Variants in TBC1D32 observed in about 807,000 individuals in gnomAD.
TBC1D32 encodes TBC1 domain family member 32.
TBC1D32 carries 151 observed loss-of-function variants against 170.3 expected under a neutral mutation model. The observed-to-expected ratio is 0.89, with a 90% CI of 0.78 to 1.01. The LOEUF is 1.01. Among genes scored for constraint, TBC1D32 ranks in the 50% least tolerant of loss-of-function variants. The pLI is 0.00. For missense variants in TBC1D32, 1,464 were observed against 1,457.1 expected, an observed-to-expected ratio of 1.00 and a Z score of -0.08; for synonymous variants, 498 against 488.0, an observed-to-expected ratio of 1.02 and a Z score of -0.27.
At chr6:121,204,351 T>C (rs1000860461) in intron 22 of TBC1D32, among the ~76,000 whole-genome samples, 3 of 151,208 alleles carry the variant, frequency 2.0e-5, no homozygotes, top group Non-Finnish European at 4.4e-5. Flanking sequence ...AGAAAAATAA[T>C]TGCTTCCTTT....
intron 22 of TBC1D32, among the ~76,000 whole-genome samples, chr6:121,171,321 T>A (rs549713082): frequency 0.026 from 3,379 of 131,746 alleles, 134 homozygotes; most frequent in East Asian, 0.13. Context: ...TCTTACAAGT[T>A]AAAAAAAAAA....
chr6:121,208,731 A>AAAAAAAAAC (rs1446176762), intron 21 of TBC1D32, among the ~76,000 whole-genome samples: 2 of 138,668 alleles, frequency 1.4e-5, no homozygotes, highest in African/African-American at 5.5e-5. Flanking sequence ...AACACCTGGA[A>AAAAAAAAAC]AAAAAAAAAA....
At chr6:121,197,404 T>A (rs568025593) in intron 22 of TBC1D32, among the ~76,000 whole-genome samples, 1 of 152,164 alleles carries the variant, frequency 6.6e-6, no homozygotes, top group Non-Finnish European at 1.5e-5. Flanking sequence ...GAGAAGGTAG[T>A]CATCAATACC....
intron 17 of TBC1D32, among the ~76,000 whole-genome samples, chr6:121,253,447 G>A (rs1451879874): frequency 5.3e-5 from 8 of 152,156 alleles, no homozygotes; most frequent in East Asian, 1.9e-4. Flanking sequence ...AGGCCGGCAC[G>A]GTGGCTCACG....
rs746731154 is a variant in TBC1D32, at chr6:121,292,235, A to G, written c.1232-42T>C. ...ACACGAATATTTATTTAGTATCATT[A>G]TATTTTACAGTACCTGTCTTCATTC... On this transcript the variant is annotated intron_variant, in intron 11 of 31. Coordinates refer to ENST00000398212, the MANE Select transcript of TBC1D32 (RefSeq NM_152730.6). 2.6e-6 allele frequency: 4 copies of G among 1,541,178 alleles called. No homozygotes were observed. The African/African-American group carries it at 4.2e-5, about 16-fold the overall frequency.
chr6:121,135,745 C>CA (rs1430466052), intron 24 of TBC1D32, among the ~76,000 whole-genome samples: 2 of 152,132 alleles, frequency 1.3e-5, no homozygotes, highest in East Asian at 3.9e-4. Flanking sequence ...TCCCAGAGCA[C>CA]ACCTAGAGTT....
At chr6:121,279,048 A>G in intron 15 of TBC1D32, 73 bp downstream of exon 15, 2 of 1,489,174 alleles carry the variant, frequency 1.3e-6, no homozygotes, top group South Asian at 2.7e-5. Context: ...AGATCATTTA[A>G]TATATTATTA....
chr6:121,241,651 GA>G, intron 18 of TBC1D32, 99 bp from the exon 19 acceptor site: 1 of 967,792 alleles, frequency 1.0e-6, no homozygotes, highest in Middle Eastern at 2.1e-4. Context: ...AACAAACTCT[GA>G]AAAATATTTT....
At chr6:121,302,841 G>A (rs368484908) in intron 9 of TBC1D32, among the ~76,000 whole-genome samples, 1 of 152,122 alleles carries the variant, frequency 6.6e-6, no homozygotes, top group Non-Finnish European at 1.5e-5. Context: ...ACAGAATTGT[G>A]TTCTGGTTAA....
intron 4 of TBC1D32, 136 bp from the exon 5 acceptor site, chr6:121,308,237 A>C (rs1807625021): frequency 2.4e-6 from 2 of 844,834 alleles, no homozygotes; most frequent in African/African-American, 1.7e-5. Context: ...ATGCCTTTAT[A>C]TTAAAAAGCT....
chr6:121,279,606 T>TC (rs1443917962), intron 14 of TBC1D32, among the ~76,000 whole-genome samples: 1 of 151,898 alleles, frequency 6.6e-6, no homozygotes, highest in Non-Finnish European at 1.5e-5. Flanking sequence ...CCAATATAAT[T>TC]ACATTATATA....
At position 121,279,169 on chromosome 6, in the gene TBC1D32, CCTT is replaced by C; in HGVS notation, c.1682_1684del (p.Glu561del). ...TGCTCCATAAAGGAGTAAAATAAGC[CCTT>C]CTTCTACAGATGCAATTCTTGCCAA... On this transcript the variant is annotated inframe_deletion, in exon 15 of 32. Coordinates refer to ENST00000398212, the MANE Select transcript of TBC1D32 (RefSeq NM_152730.6). 6 of 1,611,106 alleles carry C rather than the reference CCTT, an allele frequency of 3.7e-6. No individual in the cohort carries two copies. Among genetic ancestry groups the C allele is most frequent in the Non-Finnish European group, 5.1e-6 (6 of 1,178,782 alleles).
chr6:121,154,622 C>T (rs922262537), intron 24 of TBC1D32, among the ~76,000 whole-genome samples: 2 of 152,102 alleles, frequency 1.3e-5, no homozygotes, highest in South Asian at 2.1e-4. Flanking sequence ...ACACCCTTCT[C>T]GACATAGGCT....
intron 15 of TBC1D32, among the ~76,000 whole-genome samples, chr6:121,260,804 G>A (rs929556903): frequency 1.3e-5 from 2 of 152,156 alleles, no homozygotes; most frequent in African/African-American, 4.8e-5. Flanking sequence ...GCTGCTGATT[G>A]CTGTCTAAGC....
At chr6:121,187,754 C>CAAA (rs67915120) in intron 22 of TBC1D32, among the ~76,000 whole-genome samples, 15 of 128,660 alleles carry the variant, frequency 1.2e-4, no homozygotes, top group African/African-American at 1.8e-4. Flanking sequence ...TGCTCAGGGC[C>CAAA]AAAAAAAAAA....
intron 30 of TBC1D32, among the ~76,000 whole-genome samples, chr6:121,102,945 AAAG>A (rs1180353317): frequency 2.0e-5 from 3 of 152,198 alleles, no homozygotes; most frequent in Admixed American, 6.5e-5. Context: ...ACACTTCTCA[AAAG>A]AAGACATTTA....
chr6:121,328,302 T>C (rs1225195290), intron 1 of TBC1D32, among the ~76,000 whole-genome samples: 5 of 152,048 alleles, frequency 3.3e-5, no homozygotes, highest in Non-Finnish European at 7.4e-5. Flanking sequence ...TATTTATTTT[T>C]TGTGACGGAG....
At chr6:121,168,232 A>G (rs1786339958) in intron 22 of TBC1D32, among the ~76,000 whole-genome samples, 1 of 121,618 alleles carries the variant, frequency 8.2e-6, no homozygotes, top group Non-Finnish European at 1.6e-5. Flanking sequence ...AAAGGACTAT[A>G]AATCATGCTG....
At chr6:121,232,078 T>C (rs1795812049) in intron 20 of TBC1D32, among the ~76,000 whole-genome samples, 1 of 152,170 alleles carries the variant, frequency 6.6e-6, no homozygotes, top group Non-Finnish European at 1.5e-5. Context: ...AAGTGTTTGA[T>C]TGATCTAGAG....
Sources: gnomAD v4.1 joint callset for allele counts (sites outside exome capture counted in the v4.1 genomes callset) on GRCh38, gnomAD v4.1.1 for gene constraint, MANE v1.5 for transcripts, NCBI Gene and HGNC (gene_info 2026-07-23, HGNC 2026-07-21) for gene names.